The following PAK5 variants were observed in gnomAD, a reference collection of about 807,000 sequenced individuals.
PAK5 encodes the protein p21 (RAC1) activated kinase 5, also known as serine/threonine-protein kinase PAK 5.
A neutral mutation model predicts 65.9 loss-of-function variants in PAK5; 16 were observed. That is an observed-to-expected ratio of 0.24 (90% CI 0.16 to 0.37). The LOEUF (loss-of-function observed/expected upper bound fraction) is 0.37, where lower values mean the gene tolerates loss of function less well. PAK5 is among the 10% of genes least tolerant of loss of function. The probability of loss-of-function intolerance (pLI) is 1.00; values close to 1 mark genes in which losing one functional copy is unlikely to be tolerated. For synonymous variants in PAK5, 371 were observed against 354.9 expected, an observed-to-expected ratio of 1.05 and a Z score of -0.51; for missense variants, 785 against 903.9, an observed-to-expected ratio of 0.87 and a Z score of 1.69.
intron 1 of PAK5, among the ~76,000 whole-genome samples, chr20:9,821,186 G>T (rs1248415256): frequency 6.6e-6 from 1 of 152,094 alleles, no homozygotes; most frequent in East Asian, 1.9e-4. Flanking sequence ...TTCGAGACCA[G>T]CCTGGCCAAC....
At chr20:9,714,860 A>G (rs534196063) in intron 1 of PAK5, among the ~76,000 whole-genome samples, 19 of 152,272 alleles carry the variant, frequency 1.2e-4, no homozygotes, top group African/African-American at 4.3e-4. Context: ...AGCTGGAACT[A>G]GATCCCTTCC....
At chr20:9,575,542 T>A (rs2045871558) in intron 4 of PAK5, 1 of 152,222 alleles carries the variant, frequency 6.6e-6, no homozygotes. Flanking sequence ...TAAATGCATA[T>A]GAGCACCTTA....
intron 2 of PAK5, among the ~76,000 whole-genome samples, chr20:9,685,791 T>C (rs1434776687): frequency 1.3e-5 from 2 of 152,186 alleles, no homozygotes; most frequent in African/African-American, 4.8e-5. Flanking sequence ...TAGCATGTGC[T>C]CAATATCAGC....
At chr20:9,789,571 G>A (rs1333367467) in intron 1 of PAK5, among the ~76,000 whole-genome samples, 2 of 151,960 alleles carry the variant, frequency 1.3e-5, no homozygotes, top group Non-Finnish European at 2.9e-5. Flanking sequence ...TATTAGAGGC[G>A]ACCTCAAGAG....
At chr20:9,829,977 C>G (rs1209762241) in intron 1 of PAK5, among the ~76,000 whole-genome samples, 1 of 152,148 alleles carries the variant, frequency 6.6e-6, no homozygotes, top group Non-Finnish European at 1.5e-5. Flanking sequence ...ATTTACACCT[C>G]CCACCAACAG....
rs185925944 is a variant in PAK5, at chr20:9,701,162, A to G, written c.-12+10124T>C. Among the ~76,000 whole-genome samples, 93 of 152,292 alleles carry G rather than the reference A, an allele frequency of 6.1e-4. 2 individuals are homozygous for G. Among genetic ancestry groups the G allele is most frequent in the Admixed American group, 5.9e-3 (90 of 15,284 alleles). On this transcript the variant is annotated intron_variant, in intron 2 of 9. Transcript: ENST00000353224. ...TTTGACGAGTCAAGCAAAGTCATTC[A>G]CATTTCTCTCTATATATATAGAGAT... is the stretch of plus-strand genomic sequence containing the variant.
At chr20:9,743,282 A>T (rs1278893585) in intron 1 of PAK5, among the ~76,000 whole-genome samples, 4 of 152,082 alleles carry the variant, frequency 2.6e-5, no homozygotes. Context: ...AGATGGGAGA[A>T]TCACTTGAGC....
At chr20:9,544,098 T>G (rs1049767205) in intron 8 of PAK5, among the ~76,000 whole-genome samples, 1 of 152,124 alleles carries the variant, frequency 6.6e-6, no homozygotes, top group Non-Finnish European at 1.5e-5. Flanking sequence ...CTACTGAGAG[T>G]GGGATCAGAG....
intron 3 of PAK5, among the ~76,000 whole-genome samples, chr20:9,641,896 C>T (rs1379944918): frequency 1.3e-5 from 2 of 152,170 alleles, no homozygotes; most frequent in Non-Finnish European, 2.9e-5. Context: ...CGGGGCCCAC[C>T]AAGCCCACGC....
Position 9,670,965 on chromosome 20 carries a change from G to A in PAK5, c.-11-26626C>T, listed in dbSNP as rs1371160855. Among the ~76,000 whole-genome samples the A allele has an allele frequency of 8.5e-5, 13 of 152,264 alleles. No individual in the cohort carries two copies. The South Asian group carries it at 2.3e-3, about 27-fold the overall frequency. The stretch of plus-strand genomic sequence containing the variant: ...TAATTTTTGTATAAGGTGTAAGGAA[G>A]GGATCCAGTTTCAGCTTTCTACATA... On this transcript the variant is annotated intron_variant, in intron 2 of 9. Transcript: ENST00000353224.
chr20:9,792,039 T>G (rs963664180), intron 1 of PAK5, among the ~76,000 whole-genome samples: 5 of 152,230 alleles, frequency 3.3e-5, no homozygotes, highest in Non-Finnish European at 7.3e-5. Flanking sequence ...TCTTATTTAT[T>G]GCCTGCCTTT....
At chr20:9,713,876 G>A (rs143935992) in intron 1 of PAK5, among the ~76,000 whole-genome samples, 1 of 151,990 alleles carries the variant, frequency 6.6e-6, no homozygotes, top group African/African-American at 2.4e-5. Flanking sequence ...CAAGAGAAAT[G>A]AAGAGAAGTT....
intron 6 of PAK5, among the ~76,000 whole-genome samples, chr20:9,562,455 T>C: frequency 6.6e-6 from 1 of 152,230 alleles, no homozygotes; most frequent in South Asian, 2.1e-4. Context: ...AGAATTTCTC[T>C]GTGCCACCCA....
chr20:9,771,408 A>ATTT (rs1195760164), intron 1 of PAK5, among the ~76,000 whole-genome samples: 9,213 of 147,964 alleles, frequency 0.062, 947 homozygotes, highest in African/African-American at 0.21. Context: ...ATAATTTAAA[A>ATTT]AAATTTTTTT....
chr20:9,582,987 C>G lies in PAK5; in HGVS notation c.205-2057G>C, dbSNP rs147188421. On this transcript the variant is annotated intron_variant, in intron 3 of 9. Coordinates refer to ENST00000353224, the MANE Select transcript of PAK5 (RefSeq NM_177990.4). ...CCTTACTTTCTGTCCCTACAAGAAGCTCCAGGTTTATCTTTTATTTTCCCT... is the reference window on the plus strand; with the variant it reads ...CCTTACTTTCTGTCCCTACAAGAAGGTCCAGGTTTATCTTTTATTTTCCCT... Among the ~76,000 whole-genome samples, 197 of 152,222 alleles carry G rather than the reference C, an allele frequency of 1.3e-3. 2 individuals are homozygous for G. The East Asian group carries it at 0.033, about 26-fold the overall frequency.
At position 9,566,213 on chromosome 20, in the gene PAK5, G is replaced by C. The variant is rs771214175; in HGVS notation, c.1162C>G (p.Leu388Val). The change falls in exon 5 of 10, where the codon CTG (leucine) becomes GTG (valine). Residue 388 changes from leucine to valine, a missense_variant. Physicochemically the swap from Leu to Val is conservative, Grantham distance 32. Coordinates refer to ENST00000353224, the MANE Select transcript of PAK5 (RefSeq NM_177990.4). Reference sequence around the variant, plus strand: ...GAGATGTACTGCGAACTGCTCTGCAGGGAGGGGTGATGGTACAAGGTGGCT... The same window carrying C: ...GAGATGTACTGCGAACTGCTCTGCACGGAGGGGTGATGGTACAAGGTGGCT... ...HKATLYHHPS[L>V]QSSSQYISTA... 3.1e-6 allele frequency: 5 copies of C among 1,613,908 alleles called. No individual in the cohort carries two copies. In the South Asian group the frequency reaches 4.4e-5, roughly 14 times the overall value.
chr20:9,696,050 C>T (rs1392696185), intron 2 of PAK5, among the ~76,000 whole-genome samples: 2 of 152,038 alleles, frequency 1.3e-5, no homozygotes, highest in Non-Finnish European at 2.9e-5. Flanking sequence ...CAACATATGG[C>T]ACTAGCCACA....
At chr20:9,539,848 A>T (rs952239347) in intron 9 of PAK5, among the ~76,000 whole-genome samples, 1 of 152,234 alleles carries the variant, frequency 6.6e-6, no homozygotes, top group African/African-American at 2.4e-5. Context: ...CTAAGAATGA[A>T]AACTTATTTA....
At chr20:9,712,007 A>C (rs1369017812) in intron 1 of PAK5, among the ~76,000 whole-genome samples, 1 of 152,158 alleles carries the variant, frequency 6.6e-6, no homozygotes, top group African/African-American at 2.4e-5. Flanking sequence ...ATTTATTAAG[A>C]TGGAACTCAC....
Sources: allele counts gnomAD v4.1 joint callset (sites outside exome capture counted in the v4.1 genomes callset), GRCh38; gene constraint gnomAD v4.1.1; transcripts MANE v1.5; gene names NCBI Gene and HGNC (gene_info 2026-07-23, HGNC 2026-07-21).